The following CRPPA variants were observed in gnomAD, a reference collection of about 807,000 sequenced individuals.
CRPPA encodes CDP-L-ribitol pyrophosphorylase A, also known as D-ribitol-5-phosphate cytidylyltransferase.
A neutral mutation model predicts 52.0 loss-of-function variants in CRPPA; 43 were observed. The ratio of observed to expected loss-of-function variants is 0.83; its 90% CI spans 0.65 to 1.07. The LOEUF (loss-of-function observed/expected upper bound fraction) is 1.07, where lower values mean the gene tolerates loss of function less well. CRPPA is among the 50% of genes least tolerant of loss of function. The pLI, the probability that CRPPA is intolerant of heterozygous loss-of-function variation, is 0.00. For missense variants in CRPPA, 629 were observed against 551.7 expected (o/e 1.14, Z -1.40); for synonymous variants, 250 against 203.5 (o/e 1.23, Z -1.94).
intron 9 of CRPPA, among the ~76,000 whole-genome samples, chr7:16,119,365 A>C (rs1386610688): frequency 6.6e-6 from 1 of 151,404 alleles, no homozygotes; most frequent in Admixed American, 6.6e-5. Context: ...GTTTCCATTA[A>C]ATCTAAAAAT....
At chr7:16,168,277 A>G (rs933076182) in intron 9 of CRPPA, among the ~76,000 whole-genome samples, 1 of 152,126 alleles carries the variant, frequency 6.6e-6, no homozygotes, top group African/African-American at 2.4e-5. Context: ...TACTTCTTAC[A>G]ACTTGGTTTG....
chr7:16,221,361 T>A (rs1782495709), intron 8 of CRPPA, among the ~76,000 whole-genome samples: 1 of 152,140 alleles, frequency 6.6e-6, no homozygotes, highest in Non-Finnish European at 1.5e-5. Flanking sequence ...AACCTAGGCA[T>A]CACCATTCAG....
intron 3 of CRPPA, among the ~76,000 whole-genome samples, chr7:16,321,916 T>C (rs1785274223): frequency 6.6e-6 from 1 of 151,980 alleles, no homozygotes; most frequent in Non-Finnish European, 1.5e-5. Context: ...GGAAAAACCA[T>C]ACAAGCAAAT....
intron 9 of CRPPA, among the ~76,000 whole-genome samples, chr7:16,150,467 A>G (rs899220925): frequency 1.1e-4 from 16 of 152,228 alleles, no homozygotes; most frequent in Admixed American, 1.0e-3. Context: ...TGAATTTGAA[A>G]GAAACCCATG....
intron 3 of CRPPA, among the ~76,000 whole-genome samples, chr7:16,311,573 C>T (rs1785035188): frequency 6.6e-6 from 1 of 152,060 alleles, no homozygotes; most frequent in South Asian, 2.1e-4. Context: ...ATCCCCTCAT[C>T]TAAGCTATTT....
intron 8 of CRPPA, among the ~76,000 whole-genome samples, chr7:16,253,410 C>T (rs1356664305): frequency 6.6e-6 from 1 of 152,282 alleles, no homozygotes; most frequent in Non-Finnish European, 1.5e-5. Flanking sequence ...TGTAGTTGTA[C>T]AGTTTTGAAT....
chr7:16,378,599 G>A (rs992733059), intron 2 of CRPPA, among the ~76,000 whole-genome samples: 2 of 152,028 alleles, frequency 1.3e-5, no homozygotes, highest in Non-Finnish European at 2.9e-5. Flanking sequence ...AGAGCAGCAT[G>A]ATTTATAGTC....
At chr7:16,105,578 T>C (rs754685927) in intron 9 of CRPPA, among the ~76,000 whole-genome samples, 9 of 152,142 alleles carry the variant, frequency 5.9e-5, no homozygotes, top group Non-Finnish European at 1.3e-4. Context: ...GTCCTAGTGA[T>C]CATGTCACAG....
intron 9 of CRPPA, among the ~76,000 whole-genome samples, chr7:16,110,233 T>C (rs1448492609): frequency 6.6e-6 from 1 of 152,072 alleles, no homozygotes; most frequent in Non-Finnish European, 1.5e-5. Flanking sequence ...GGTAAAGACC[T>C]ATATAGTGAA....
chr7:16,401,852 C>T lies in CRPPA; in HGVS notation c.534+4209G>A, dbSNP rs867460301. On this transcript the variant is annotated intron_variant, in intron 2 of 9. Coordinates refer to ENST00000407010, the MANE Select transcript of CRPPA (RefSeq NM_001101426.4). ...ATGGTAGACTGGGTATCTTGAAACACCTCTTTCATTAAAAAAATATATATA... is the reference window on the plus strand; with the variant it reads ...ATGGTAGACTGGGTATCTTGAAACATCTCTTTCATTAAAAAAATATATATA... Among the ~76,000 whole-genome samples the T allele has an allele frequency of 1.0e-4, 15 of 150,646 alleles. No homozygotes were observed. The South Asian group carries it at 1.9e-3, about 19-fold the overall frequency.
At chr7:16,336,967 C>G (rs958499504) in intron 3 of CRPPA, among the ~76,000 whole-genome samples, 1 of 151,992 alleles carries the variant, frequency 6.6e-6, no homozygotes, top group Non-Finnish European at 1.5e-5. Context: ...AACCTTGGAG[C>G]ACCTAAATAC....
At chr7:16,416,680 A>G (rs1436923786) in intron 1 of CRPPA, among the ~76,000 whole-genome samples, 1 of 125,430 alleles carries the variant, frequency 8.0e-6, no homozygotes, top group Non-Finnish European at 1.7e-5. Context: ...ACAAACAAAT[A>G]CAAAAAAAAA....
chr7:16,092,094 T>C (rs962767251), intron 9 of CRPPA, among the ~76,000 whole-genome samples: 1 of 152,218 alleles, frequency 6.6e-6, no homozygotes, highest in Non-Finnish European at 1.5e-5. Flanking sequence ...CTGACAACCT[T>C]TGGCTCTTCA....
intron 9 of CRPPA, among the ~76,000 whole-genome samples, chr7:16,101,321 C>T (rs973424143): frequency 6.6e-6 from 1 of 152,092 alleles, no homozygotes; most frequent in African/African-American, 2.4e-5. Flanking sequence ...ATTATTGCCT[C>T]AATTTCAGAA....
At chr7:16,366,863 C>A (rs1244445392) in intron 3 of CRPPA, among the ~76,000 whole-genome samples, 2 of 151,556 alleles carry the variant, frequency 1.3e-5, no homozygotes, top group Non-Finnish European at 2.9e-5. Context: ...TAAACACTTT[C>A]CAAGTCCATC....
At chr7:16,212,882 GT>G (rs1426274113) in intron 9 of CRPPA, among the ~76,000 whole-genome samples, 1 of 151,542 alleles carries the variant, frequency 6.6e-6, no homozygotes, top group Non-Finnish European at 1.5e-5. Context: ...AGTTATAATA[GT>G]TTATGGGAAA....
At chr7:16,203,272 C>A (rs978284039) in intron 9 of CRPPA, among the ~76,000 whole-genome samples, 6 of 151,950 alleles carry the variant, frequency 3.9e-5, no homozygotes, top group Non-Finnish European at 7.4e-5. Context: ...GCATCTGTTC[C>A]CCATCCTGTG....
intron 9 of CRPPA, among the ~76,000 whole-genome samples, chr7:16,141,186 T>A (rs1224218775): frequency 6.6e-6 from 1 of 152,206 alleles, no homozygotes; most frequent in Non-Finnish European, 1.5e-5. Flanking sequence ...TTATGATTTT[T>A]CTATGGCTGC....
At chr7:16,217,649 A>C (rs1347601818) in intron 8 of CRPPA, among the ~76,000 whole-genome samples, 2 of 146,580 alleles carry the variant, frequency 1.4e-5, no homozygotes, top group African/African-American at 2.5e-5. Flanking sequence ...AGAATGCAGA[A>C]GCCTCAGGAG....
Sources: allele counts gnomAD v4.1 joint callset (sites outside exome capture counted in the v4.1 genomes callset), GRCh38; gene constraint gnomAD v4.1.1; transcripts MANE v1.5; gene names NCBI Gene and HGNC (gene_info 2026-07-23, HGNC 2026-07-21).